The following XKR9 variants were observed in gnomAD, a reference collection of about 807,000 sequenced individuals.
XKR9 encodes the protein XK related 9.
XKR9 carries 32 observed loss-of-function variants against 32.0 expected under a neutral mutation model. That is an observed-to-expected ratio of 1.00 (90% CI 0.76 to 1.34). XKR9 has a LOEUF of 1.34. XKR9 is among the 40% of genes most tolerant of loss of function. The pLI is 0.00. For synonymous variants in XKR9, 168 were observed against 143.4 expected, an observed-to-expected ratio of 1.17 and a Z score of -1.22; for missense variants, 546 against 429.7, an observed-to-expected ratio of 1.27 and a Z score of -2.39.
At chr8:70,979,978 C>T in the XKR9 span, among the ~76,000 whole-genome samples, 1 of 152,260 alleles carries the variant, frequency 6.6e-6, no homozygotes, top group Non-Finnish European at 1.5e-5. Context: ...GGATGCCCCT[C>T]CCCCAGCCAG....
intron 3 of XKR9, among the ~76,000 whole-genome samples, chr8:70,694,183 T>G (rs533143264): frequency 6.6e-6 from 1 of 152,328 alleles, no homozygotes; most frequent in South Asian, 2.1e-4. Flanking sequence ...TAAAGGCACC[T>G]GTAGGGAGTG....
the XKR9 span, among the ~76,000 whole-genome samples, chr8:70,990,652 G>T: frequency 1.3e-5 from 2 of 151,674 alleles, no homozygotes; most frequent in Admixed American, 1.3e-4. Context: ...GCAAGTTTCC[G>T]TTCCAATCCT....
At chr8:70,676,569 T>C (rs1818896594) in intron 2 of XKR9, among the ~76,000 whole-genome samples, 1 of 152,202 alleles carries the variant, frequency 6.6e-6, no homozygotes, top group Admixed American at 6.5e-5. Flanking sequence ...TATGTAGGTT[T>C]CCTTCTACTT....
At chr8:70,816,944 A>C in the XKR9 span, among the ~76,000 whole-genome samples, 1 of 152,076 alleles carries the variant, frequency 6.6e-6, no homozygotes, top group East Asian at 1.9e-4. Flanking sequence ...AAAACCCTCA[A>C]CCAACTGGGC....
the XKR9 span, among the ~76,000 whole-genome samples, chr8:70,872,751 C>T: frequency 6.6e-6 from 1 of 152,156 alleles, no homozygotes; most frequent in Non-Finnish European, 1.5e-5. Context: ...ACCTCTTCCT[C>T]CCAGGTGCAA....
the XKR9 span, among the ~76,000 whole-genome samples, chr8:70,839,385 A>G: frequency 6.6e-6 from 1 of 152,148 alleles, no homozygotes; most frequent in Non-Finnish European, 1.5e-5. Context: ...TGTGAAAAAT[A>G]CATTCTCCAA....
At chr8:70,885,902 T>A in the XKR9 span, among the ~76,000 whole-genome samples, 425 of 152,096 alleles carry the variant, frequency 2.8e-3, no homozygotes, top group African/African-American at 8.4e-3. Context: ...GGACTTTTTT[T>A]AATTATACTT....
the XKR9 span, among the ~76,000 whole-genome samples, chr8:70,930,979 G>C: frequency 6.6e-6 from 1 of 152,098 alleles, no homozygotes; most frequent in African/African-American, 2.4e-5. Context: ...ATATTCACCT[G>C]ACCCAAGCCA....
At chr8:70,787,293 G>A (rs1268573347) in intron 2 of XKR9, among the ~76,000 whole-genome samples, 2 of 152,116 alleles carry the variant, frequency 1.3e-5, no homozygotes, top group Admixed American at 6.6e-5. Flanking sequence ...TTTTAAATAT[G>A]TTTCTCTAAA....
chr8:70,751,305 T>C (rs936003306), intron 2 of XKR9, among the ~76,000 whole-genome samples: 3 of 152,134 alleles, frequency 2.0e-5, no homozygotes, highest in Non-Finnish European at 4.4e-5. Flanking sequence ...AATTTTTGTA[T>C]TTTTAGTAGA....
chr8:70,997,148 A>G, the XKR9 span, among the ~76,000 whole-genome samples: 1 of 152,132 alleles, frequency 6.6e-6, no homozygotes, highest in African/African-American at 2.4e-5. Context: ...AAGTACAAAA[A>G]TTAGCTGGCA....
chr8:70,744,926 A>G (rs1475816114), intron 2 of XKR9, among the ~76,000 whole-genome samples: 1 of 150,146 alleles, frequency 6.7e-6, no homozygotes, highest in Non-Finnish European at 1.5e-5. Context: ...TTTGCCTATG[A>G]TATAGTTTTT....
intron 4 of XKR9, among the ~76,000 whole-genome samples, chr8:70,714,735 CTAGTT>C (rs1214975955): frequency 3.3e-5 from 5 of 152,008 alleles, no homozygotes; most frequent in African/African-American, 1.2e-4. Flanking sequence ...ATTGACATCT[CTAGTT>C]TATTGTTGAT....
At chr8:70,771,445 T>A (rs760507805) in intron 2 of XKR9, among the ~76,000 whole-genome samples, 1 of 152,234 alleles carries the variant, frequency 6.6e-6, no homozygotes, top group Non-Finnish European at 1.5e-5. Context: ...GTGGTCCAAG[T>A]GATTACTAAA....
intron 2 of XKR9, among the ~76,000 whole-genome samples, chr8:70,764,776 G>A (rs190927270): frequency 2.8e-4 from 42 of 152,124 alleles, no homozygotes; most frequent in Non-Finnish European, 5.3e-4. Context: ...GGTGTGTGAT[G>A]TTCCTCTCCG....
the XKR9 span, among the ~76,000 whole-genome samples, chr8:70,915,655 G>C: frequency 6.6e-6 from 1 of 152,176 alleles, no homozygotes; most frequent in Admixed American, 6.5e-5. Context: ...GGATGAAGTA[G>C]AGATGAAGAT....
At chr8:70,766,898 T>G (rs1807383716) in intron 2 of XKR9, among the ~76,000 whole-genome samples, 1 of 152,216 alleles carries the variant, frequency 6.6e-6, no homozygotes, top group Admixed American at 6.6e-5. Flanking sequence ...ACAAATTATG[T>G]TTATTGATTT....
At chr8:70,810,165 C>G in the XKR9 span, among the ~76,000 whole-genome samples, 2 of 152,108 alleles carry the variant, frequency 1.3e-5, no homozygotes, top group African/African-American at 4.8e-5. Context: ...AATTTTCAAC[C>G]CTGCATTTCA....
chr8:70,897,418 T>A, the XKR9 span, among the ~76,000 whole-genome samples: 4 of 152,116 alleles, frequency 2.6e-5, no homozygotes, highest in African/African-American at 9.7e-5. Flanking sequence ...AATTCCTGAA[T>A]CATGGTAGCT....
Sources: gnomAD v4.1 joint callset for allele counts (sites outside exome capture counted in the v4.1 genomes callset) on GRCh38, gnomAD v4.1.1 for gene constraint, MANE v1.5 for transcripts, NCBI Gene and HGNC (gene_info 2026-07-23, HGNC 2026-07-21) for gene names.